The following FAT4 variants were observed in gnomAD, a reference collection of about 807,000 sequenced individuals.
FAT4 encodes protocadherin Fat 4.
Under a neutral mutation model 303.9 loss-of-function variants are expected in FAT4, and 84 were observed. The ratio of observed to expected loss-of-function variants is 0.28; its 90% CI spans 0.23 to 0.33. The LOEUF (loss-of-function observed/expected upper bound fraction) is 0.33, where lower values mean the gene tolerates loss of function less well. Among genes scored for constraint, FAT4 ranks in the 10% least tolerant of loss-of-function variants. The pLI is 1.00. For missense variants in FAT4, 6,005 were observed against 6,146.8 expected (o/e 0.98, Z 0.77); for synonymous variants, 2,307 against 2,298.8 (o/e 1.00, Z -0.10).
intron 11 of FAT4, among the ~76,000 whole-genome samples, chr4:125,465,200 T>A (rs1560625152): frequency 6.6e-6 from 1 of 152,320 alleles, no homozygotes; most frequent in African/African-American, 2.4e-5. Flanking sequence ...CACAATTTTT[T>A]ATTTTCAGTC....
rs775610806 is a variant in FAT4 at position 125,317,360 on chromosome 4, C to T, written c.949C>T (p.Arg317Cys). Residue 317 changes from arginine (R) to cysteine (C), a missense_variant, in exon 2 of 18, where the codon CGC becomes TGC. Physicochemically the swap from Arg to Cys is radical, Grantham distance 180. Transcript: ENST00000394329. The surrounding 1 kb of genome is among the most constrained non-coding windows in gnomAD (Gnocchi z 7.0). ...GGAGCCCCTGGACTTCGAAGCTCGGCGCCAATACTCGCTTACGGTGCAGGC... is the reference window on the plus strand; with the variant it reads ...GGAGCCCCTGGACTTCGAAGCTCGGTGCCAATACTCGCTTACGGTGCAGGC... ...VREPLDFEAR[R>C]QYSLTVQAMD... 15 of 1,613,026 alleles carry T rather than the reference C, an allele frequency of 9.3e-6. No individual in the cohort carries two copies. Among genetic ancestry groups the T allele is most frequent in the Non-Finnish European group, 1.2e-5 (14 of 1,179,844 alleles).
At chr4:125,465,961 G>C (rs369664399) in intron 11 of FAT4, among the ~76,000 whole-genome samples, 1 of 152,168 alleles carries the variant, frequency 6.6e-6, no homozygotes, top group East Asian at 1.9e-4. Flanking sequence ...AACCATGTCA[G>C]ATGGCATGCC....
chr4:125,470,019 T>C (rs1263245520), intron 12 of FAT4, among the ~76,000 whole-genome samples: 1 of 152,202 alleles, frequency 6.6e-6, no homozygotes, highest in Non-Finnish European at 1.5e-5. Flanking sequence ...CTTTGATCCA[T>C]AGGCTGTAGT....
At chr4:125,336,641 T>C (rs1404596522) in intron 2 of FAT4, among the ~76,000 whole-genome samples, 2 of 151,954 alleles carry the variant, frequency 1.3e-5, no homozygotes, top group East Asian at 3.9e-4. Context: ...GTAAGCAATG[T>C]CATTTTGTGA....
In FAT4 at chr4:125,448,857, T is replaced by C. The variant is rs1725926407; in HGVS notation, c.7847T>C (p.Ile2616Thr). Reference sequence around the variant, plus strand: ...GGGAATCTTGGCAATACTTTCCAGATTGATCAGTTAACAGGGCAGGTGTCT... The same window carrying C: ...GGGAATCTTGGCAATACTTTCCAGACTGATCAGTTAACAGGGCAGGTGTCT... ...ASGNLGNTFQ[I>T]DQLTGQVSIS... is the part of the protein sequence containing the mutation. Residue 2616 changes from isoleucine (I) to threonine (T), a missense_variant, in exon 10 of 18, where the codon ATT becomes ACT. Coordinates refer to ENST00000394329, the MANE Select transcript of FAT4 (RefSeq NM_001291303.3). 1 of 1,608,458 alleles carries C rather than the reference T, an allele frequency of 6.2e-7. No homozygotes were observed. Among genetic ancestry groups the C allele is most frequent in the African/African-American group, 1.3e-5 (1 of 74,868 alleles).
At chr4:125,378,287 C>T (rs186371202) in intron 2 of FAT4, among the ~76,000 whole-genome samples, 8 of 152,174 alleles carry the variant, frequency 5.3e-5, no homozygotes, top group Non-Finnish European at 8.8e-5. Flanking sequence ...TACATGAAAG[C>T]GGAGTACGTG....
intron 2 of FAT4, among the ~76,000 whole-genome samples, chr4:125,383,591 G>T (rs1733620037): frequency 6.6e-6 from 1 of 152,170 alleles, no homozygotes; most frequent in Non-Finnish European, 1.5e-5. Context: ...GGGAGCACAT[G>T]CTACTGGAAA....
chr4:125,407,538 C>T (rs1578607963), intron 4 of FAT4, among the ~76,000 whole-genome samples: 1 of 151,850 alleles, frequency 6.6e-6, no homozygotes, highest in East Asian at 1.9e-4. Flanking sequence ...GCTGTGTGAC[C>T]AACGGCAAGT....
intron 11 of FAT4, among the ~76,000 whole-genome samples, 173 bp downstream of exon 11, chr4:125,463,840 G>T (rs1560624375): frequency 2.0e-5 from 3 of 152,068 alleles, no homozygotes; most frequent in Non-Finnish European, 4.4e-5. Flanking sequence ...AAATCCCATT[G>T]AATACATTGC....
At chr4:125,360,861 T>C (rs919199128) in intron 2 of FAT4, among the ~76,000 whole-genome samples, 1 of 150,524 alleles carries the variant, frequency 6.6e-6, no homozygotes, top group Non-Finnish European at 1.5e-5. Context: ...ATTTCACAAA[T>C]TCTGGGATAA....
intron 3 of FAT4, among the ~76,000 whole-genome samples, chr4:125,402,862 T>A (rs933659763): frequency 2.6e-5 from 4 of 152,042 alleles, no homozygotes; most frequent in Non-Finnish European, 5.9e-5. Context: ...TTAATTACAA[T>A]AAATGGTATA....
At chr4:125,474,661 G>C (rs138105926) in intron 12 of FAT4, among the ~76,000 whole-genome samples, 1 of 151,722 alleles carries the variant, frequency 6.6e-6, no homozygotes, top group African/African-American at 2.4e-5. Flanking sequence ...ATTAATAAAT[G>C]GATTATACAT....
At position 125,318,117 on chromosome 4, in the gene FAT4, T is replaced by C. The variant is rs766491092; in HGVS notation, c.1706T>C (p.Val569Ala). The C allele has an allele frequency of 1.9e-6, 3 of 1,614,122 alleles. No individual in the cohort carries two copies. The highest frequency in any genetic ancestry group is 2.2e-5 in the South Asian group (2 of 91,078). Residue 569 changes from valine (V) to alanine (A), a missense_variant, in exon 2 of 18, where the codon GTA (valine) becomes GCA (alanine). Transcript: ENST00000394329. ...VHPKVSYAQL[V>A]VTLLDVNDEK... The stretch of plus-strand genomic sequence containing the variant: ...CCCAAGGTGTCCTATGCCCAGCTTG[T>C]AGTAACTCTCCTAGATGTGAATGAT...
At chr4:125,372,961 A>T (rs953585641) in intron 2 of FAT4, among the ~76,000 whole-genome samples, 3 of 152,118 alleles carry the variant, frequency 2.0e-5, no homozygotes, top group African/African-American at 7.2e-5. Context: ...TTTTTAAAAA[A>T]CTCTAAGCCC....
intron 8 of FAT4, among the ~76,000 whole-genome samples, chr4:125,440,077 ATTC>A (rs559563518): frequency 4.5e-4 from 69 of 152,028 alleles, no homozygotes; most frequent in Admixed American, 4.0e-3. Flanking sequence ...TTTTCTTTTT[ATTC>A]TTCTCATATC....
At position 125,450,658 on chromosome 4, in the gene FAT4, C is replaced by T. The variant is rs2126059762; in HGVS notation, c.9648C>T (p.Ile3216=). 1 of 1,614,038 alleles carries T rather than the reference C, an allele frequency of 6.2e-7. No individual in the cohort carries two copies. The highest frequency in any genetic ancestry group is 1.7e-5 in the Admixed American group (1 of 60,006). The change falls in exon 10 of 18, where the codon ATC becomes ATT. Residue 3216 remains isoleucine, a synonymous_variant. Coordinates refer to ENST00000394329, the MANE Select transcript of FAT4 (RefSeq NM_001291303.3). ...ATGCCCCAAGTGGAACAACAGTTAT[C>T]CACCTAAATGCAACAGATGCTGACT... ...LENAPSGTTV[I]HLNATDADSG... is the part of the protein sequence containing the mutation.
Position 125,450,690 on chromosome 4 carries a change from CA to C in FAT4, c.9683del (p.Asn3228MetfsTer3). ...AATGCAACAGATGCTGACTCTGGAA[CA>C]AATGCTGTGATTGCGTATACTGTAC... ...HLNATDADSG[T>X]NAVIAYTVQS... On this transcript the variant is annotated frameshift_variant, in exon 10 of 18. Transcript: ENST00000394329. LOFTEE classifies it high-confidence loss of function. 6.2e-7 allele frequency: 1 copy of C among 1,614,120 alleles called. No homozygotes were observed. Among genetic ancestry groups the C allele is most frequent in the Non-Finnish European group, 8.5e-7 (1 of 1,180,006 alleles).
chr4:125,475,914 G>T (rs1275788575), intron 12 of FAT4, among the ~76,000 whole-genome samples: 1 of 152,060 alleles, frequency 6.6e-6, no homozygotes, highest in African/African-American at 2.4e-5. Context: ...CTATAAAACA[G>T]GGGAGCAGGA....
chr4:125,398,091 T>C (rs905757319), intron 2 of FAT4, among the ~76,000 whole-genome samples: 2 of 152,158 alleles, frequency 1.3e-5, no homozygotes, highest in African/African-American at 2.4e-5. Context: ...ACAAATCCTT[T>C]CTTCTAAACA....
Sources: allele counts gnomAD v4.1 joint callset (sites outside exome capture counted in the v4.1 genomes callset), GRCh38; gene constraint gnomAD v4.1.1; non-coding constraint Gnocchi (gnomAD v3.1); transcripts MANE v1.5; gene names NCBI Gene and HGNC (gene_info 2026-07-23, HGNC 2026-07-21).